The following ATXN7 variants were observed in gnomAD, a reference collection of about 807,000 sequenced individuals.
The protein encoded by ATXN7 is ataxin-7.
ATXN7 carries 12 observed loss-of-function variants against 70.5 expected under a neutral mutation model. The ratio of observed to expected loss-of-function variants is 0.17; its 90% confidence interval spans 0.11 to 0.28. The LOEUF (loss-of-function observed/expected upper bound fraction) is 0.28, where lower values mean the gene tolerates loss of function less well. Among genes scored for constraint, ATXN7 ranks in the 10% least tolerant of loss-of-function variants. The pLI, the probability that ATXN7 is intolerant of heterozygous loss-of-function variation, is 1.00. For missense variants in ATXN7, 1,256 were observed against 1,131.7 expected (o/e 1.11, Z -1.58); for synonymous variants, 498 against 448.7 (o/e 1.11, Z -1.39).
chr3:63,979,861 C>T (rs971018810), intron 5 of ATXN7, 54 bp from the exon 6 acceptor site: 4 of 1,602,038 alleles, frequency 2.5e-6, no homozygotes, highest in Non-Finnish European at 3.4e-6. Flanking sequence ...TCCAGAATTA[C>T]ATTTGAGATT....
chr3:63,940,745 A>G (rs2074746869), intron 4 of ATXN7, among the ~76,000 whole-genome samples: 1 of 152,196 alleles, frequency 6.6e-6, no homozygotes, highest in Non-Finnish European at 1.5e-5. Context: ...CCTAGAGGTT[A>G]AGTACATTGC....
intron 4 of ATXN7, among the ~76,000 whole-genome samples, chr3:63,937,659 A>C (rs1018812762): frequency 6.6e-5 from 10 of 152,226 alleles, no homozygotes; most frequent in Admixed American, 4.6e-4. Context: ...CCTAGAGATG[A>C]AACATAGTAG....
chr3:63,891,511 T>A (rs1305457022), intron 1 of ATXN7, among the ~76,000 whole-genome samples: 1 of 151,432 alleles, frequency 6.6e-6, no homozygotes, highest in African/African-American at 2.4e-5. Context: ...TTCATAGAGA[T>A]GGAGTCTCGC....
intron 6 of ATXN7, among the ~76,000 whole-genome samples, chr3:63,981,345 G>T (rs890942841): frequency 2.6e-5 from 4 of 152,240 alleles, no homozygotes; most frequent in African/African-American, 9.6e-5. Flanking sequence ...AACGGTGCCA[G>T]TGTAGTGTGT....
At chr3:63,912,079 C>G (rs909186184) in intron 2 of ATXN7, 1 of 152,254 alleles carries the variant, frequency 6.6e-6, no homozygotes, top group Non-Finnish European at 1.5e-5. Context: ...GGAGGCGTCT[C>G]CGCTTAAGGG....
intron 4 of ATXN7, among the ~76,000 whole-genome samples, chr3:63,921,118 G>T (rs980808904): frequency 6.6e-6 from 1 of 152,156 alleles, no homozygotes; most frequent in Non-Finnish European, 1.5e-5. Context: ...CACTCATAAC[G>T]TAAAACTAGA....
intron 5 of ATXN7, among the ~76,000 whole-genome samples, chr3:63,954,278 T>C (rs1575945183): frequency 6.6e-6 from 1 of 152,178 alleles, no homozygotes; most frequent in Admixed American, 6.5e-5. Flanking sequence ...GGCTGCACAG[T>C]TTGTGCACTG....
chr3:63,943,341 T>G (rs2074801691), intron 4 of ATXN7, among the ~76,000 whole-genome samples: 1 of 152,242 alleles, frequency 6.6e-6, no homozygotes, highest in African/African-American at 2.4e-5. Context: ...TTATTCTGAC[T>G]ACATTGTAGA....
chr3:63,930,431 C>G (rs1244509749), intron 4 of ATXN7, among the ~76,000 whole-genome samples: 3 of 152,194 alleles, frequency 2.0e-5, no homozygotes, highest in African/African-American at 7.2e-5. Flanking sequence ...CCTGGAAGGC[C>G]TTGGCCATGA....
At chr3:63,993,549 ATTT>A (rs2075707916) in intron 11 of ATXN7, among the ~76,000 whole-genome samples, 1 of 151,948 alleles carries the variant, frequency 6.6e-6, no homozygotes, top group Non-Finnish European at 1.5e-5. Context: ...CCCCACAGAC[ATTT>A]TTATTATTTT....
intron 5 of ATXN7, among the ~76,000 whole-genome samples, chr3:63,975,545 T>G (rs2075376455): frequency 6.6e-6 from 1 of 152,218 alleles, no homozygotes; most frequent in African/African-American, 2.4e-5. Flanking sequence ...GTGCCCTAAT[T>G]TTGACAGTTG....
At chr3:63,932,904 A>G (rs1376126765) in intron 4 of ATXN7, among the ~76,000 whole-genome samples, 3 of 152,324 alleles carry the variant, frequency 2.0e-5, no homozygotes, top group African/African-American at 7.2e-5. Flanking sequence ...AATTTTATTC[A>G]ACTACCACCT....
At chr3:63,880,015 A>C (rs1005804353) in intron 1 of ATXN7, among the ~76,000 whole-genome samples, 14 of 152,028 alleles carry the variant, frequency 9.2e-5, no homozygotes, top group Non-Finnish European at 1.6e-4. Context: ...GAACCCGGGA[A>C]GCAAAGGTTG....
At position 63,996,277 on chromosome 3, in the gene ATXN7, C is replaced by G. The variant is rs778970036; in HGVS notation, c.2455C>G (p.His819Asp). Residue 819 changes from histidine to aspartate, a missense_variant, in exon 12 of 13, where the codon CAC becomes GAC. Coordinates refer to ENST00000674280, the MANE Select transcript of ATXN7 (RefSeq NM_001377405.1). ...HQSNELPVNS[H>D]GSFSHSHTPL... is the part of the protein sequence containing the mutation. ...GTCCAATGAACTGCCTGTCAACTCC[C>G]ACGGCAGTTTTTCCCACTCACACAC... is the stretch of plus-strand genomic sequence containing the variant. 8 of 1,614,030 alleles carry G rather than the reference C, an allele frequency of 5.0e-6. No individual in the cohort carries two copies. In the Admixed American group the frequency reaches 1.3e-4, roughly 27 times the overall value.
At chr3:63,996,999 A>G (rs893569668) in intron 12 of ATXN7, among the ~76,000 whole-genome samples, 2 of 152,220 alleles carry the variant, frequency 1.3e-5, no homozygotes, top group African/African-American at 2.4e-5. Flanking sequence ...GCTCACGCCT[A>G]TAATCCCAGC....
chr3:63,913,161 A>T lies in ATXN7; in HGVS notation c.330A>T (p.Thr110=), dbSNP rs1301895507. The change falls in exon 4 of 13, where the codon ACA becomes ACT. Residue 110 remains threonine (T), a synonymous_variant. Transcript: ENST00000674280. ...EASKLPGKDG[T]ELDESFKEFG... is the part of the protein sequence containing the mutation. ...CTGTGTGTGTATATCTCCTAGGGACAGAATTGGACGAAAGTTTCAAGGAGT... is the reference window on the plus strand; with the variant it reads ...CTGTGTGTGTATATCTCCTAGGGACTGAATTGGACGAAAGTTTCAAGGAGT... 2 of 1,613,628 alleles carry T rather than the reference A, an allele frequency of 1.2e-6. No homozygotes were observed. Among genetic ancestry groups the T allele is most frequent in the East Asian group, 4.5e-5 (2 of 44,840 alleles).
At chr3:63,967,641 T>C in intron 5 of ATXN7, 1 of 544,462 alleles carries the variant, frequency 1.8e-6, no homozygotes, top group South Asian at 5.6e-5. Context: ...ATAAATTCCA[T>C]CTTCCCCAGT....
intron 4 of ATXN7, among the ~76,000 whole-genome samples, chr3:63,948,070 A>G (rs761851311): frequency 5.9e-5 from 9 of 152,248 alleles, no homozygotes; most frequent in Non-Finnish European, 8.8e-5. Context: ...ATTTTAAAGA[A>G]TCACTCTGGC....
chr3:63,962,708 A>C (rs2106695135), intron 5 of ATXN7, among the ~76,000 whole-genome samples: 1 of 152,140 alleles, frequency 6.6e-6, no homozygotes, highest in East Asian at 2.0e-4. Flanking sequence ...CCTGGCCTAC[A>C]ACTTCTAATA....
Sources: gnomAD v4.1 joint callset for allele counts (sites outside exome capture counted in the v4.1 genomes callset) on GRCh38, gnomAD v4.1.1 for gene constraint, MANE v1.5 for transcripts, NCBI Gene and HGNC (gene_info 2026-07-23, HGNC 2026-07-21) for gene names.